LRIF1: variants seen among roughly 807,000 people sequenced by gnomAD.
The protein encoded by LRIF1 is ligand-dependent nuclear receptor-interacting factor 1.
Under a neutral mutation model 52.7 loss-of-function variants are expected in LRIF1, and 32 were observed. The observed-to-expected ratio is 0.61, with a 90% confidence interval of 0.46 to 0.82. The LOEUF is 0.82. Among genes scored for constraint, LRIF1 ranks in the 40% least tolerant of loss-of-function variants. The pLI is 0.00. For synonymous variants in LRIF1, 323 were observed against 317.4 expected, an observed-to-expected ratio of 1.02 and a Z score of -0.19; for missense variants, 887 against 892.0, an observed-to-expected ratio of 0.99 and a Z score of 0.07.
chr1:110,949,693 C>T (rs1360170925), intron 3 of LRIF1, among the ~76,000 whole-genome samples, 158 bp downstream of exon 3: 3 of 152,102 alleles, frequency 2.0e-5, no homozygotes, highest in Non-Finnish European at 2.9e-5. Context: ...GTGCTGGGGC[C>T]TGGTTGTTTT....
At chr1:110,897,773 T>G in the LRIF1 span, 1 of 1,249,878 alleles carries the variant, frequency 8.0e-7, no homozygotes, top group Non-Finnish European at 1.2e-6. Flanking sequence ...GGTGGAATTA[T>G]AGAGTAGTAT....
chr1:110,946,199 G>A (rs1658199617), downstream of LRIF1, among the ~76,000 whole-genome samples: 1 of 152,166 alleles, frequency 6.6e-6, no homozygotes, highest in African/African-American at 2.4e-5. Context: ...GATAAACCTT[G>A]AAAACATTAG....
intron 2 of LRIF1, among the ~76,000 whole-genome samples, chr1:110,950,587 GA>G (rs1277704501): frequency 6.6e-6 from 1 of 151,958 alleles, no homozygotes; most frequent in Admixed American, 6.6e-5. Flanking sequence ...AGTAAGCAAG[GA>G]AAAGATGGGT....
intron 1 of LRIF1, among the ~76,000 whole-genome samples, chr1:110,961,940 T>C (rs1008191640): frequency 6.6e-6 from 1 of 151,986 alleles, no homozygotes; most frequent in African/African-American, 2.4e-5. Context: ...CATTCAAAAA[T>C]AATAAAAACA....
At chr1:110,926,401 T>C in the LRIF1 span, among the ~76,000 whole-genome samples, 1 of 151,938 alleles carries the variant, frequency 6.6e-6, no homozygotes, top group Non-Finnish European at 1.5e-5. Context: ...AAGAAACTGA[T>C]GGATGAATCT....
chr1:110,910,282 A>G, the LRIF1 span, among the ~76,000 whole-genome samples: 2 of 143,144 alleles, frequency 1.4e-5, no homozygotes, highest in Non-Finnish European at 3.0e-5. Flanking sequence ...TTCGGTCTTA[A>G]AGCAATTCTC....
chr1:110,949,797 A>G, intron 3 of LRIF1, 54 bp downstream of exon 3: 1 of 1,526,022 alleles, frequency 6.6e-7, no homozygotes, highest in Non-Finnish European at 8.9e-7. Context: ...GAAAAGTAAT[A>G]TTCATGTATC....
chr1:110,920,054 T>C, the LRIF1 span, among the ~76,000 whole-genome samples: 1 of 152,146 alleles, frequency 6.6e-6, no homozygotes, highest in Non-Finnish European at 1.5e-5. Flanking sequence ...CATCAAATGC[T>C]TGGAGGATGT....
At chr1:110,890,442 C>T in the LRIF1 span, among the ~76,000 whole-genome samples, 43 of 152,178 alleles carry the variant, frequency 2.8e-4, no homozygotes, top group African/African-American at 9.9e-4. Context: ...TGGTGCATGC[C>T]TTTAGTCTCA....
the LRIF1 span, chr1:110,936,272 G>A: frequency 1.0e-3 from 159 of 152,178 alleles, no homozygotes; most frequent in Middle Eastern, 6.8e-3. Flanking sequence ...AAACACACTG[G>A]TAATGGTACA....
chr1:110,953,370 T>A (rs1335902551), intron 1 of LRIF1, among the ~76,000 whole-genome samples: 4 of 152,256 alleles, frequency 2.6e-5, no homozygotes, highest in Non-Finnish European at 5.9e-5. Flanking sequence ...CTGAACTGTT[T>A]ACATAGGAAT....
At chr1:110,930,821 T>C in the LRIF1 span, among the ~76,000 whole-genome samples, 8,737 of 152,170 alleles carry the variant, frequency 0.057, 289 homozygotes, top group East Asian at 0.13. Flanking sequence ...TTTTTTTAAA[T>C]AATAGCAATG....
chr1:110,963,429 G>A, intron 1 of LRIF1, 192 bp downstream of exon 1: 1 of 448,418 alleles, frequency 2.2e-6, no homozygotes, highest in East Asian at 3.3e-5. Context: ...CTCTAAAGAG[G>A]TTTTACATTT....
chr1:110,890,261 C>T, the LRIF1 span, among the ~76,000 whole-genome samples: 1 of 152,062 alleles, frequency 6.6e-6, no homozygotes, highest in African/African-American at 2.4e-5. Flanking sequence ...ATATCATTAC[C>T]TCTGACAGAA....
chr1:110,900,900 C>T, the LRIF1 span, among the ~76,000 whole-genome samples: 1 of 151,970 alleles, frequency 6.6e-6, no homozygotes, highest in African/African-American at 2.4e-5. Context: ...TGTCTATAAG[C>T]TAAATTTAAT....
the LRIF1 span, among the ~76,000 whole-genome samples, chr1:110,904,557 A>T: frequency 6.6e-6 from 1 of 152,238 alleles, no homozygotes; most frequent in Non-Finnish European, 1.5e-5. Context: ...TACTTCTATG[A>T]GTCCATAAGA....
chr1:110,902,639 A>C, the LRIF1 span, among the ~76,000 whole-genome samples: 1 of 152,186 alleles, frequency 6.6e-6, no homozygotes, highest in South Asian at 2.1e-4. Flanking sequence ...AGAAGATGTA[A>C]ATATGTGGAA....
the LRIF1 span, among the ~76,000 whole-genome samples, chr1:110,890,302 C>T: frequency 1.3e-5 from 2 of 152,180 alleles, no homozygotes; most frequent in Non-Finnish European, 2.9e-5. Context: ...TGCGGTAGCT[C>T]ATGCCTGTAA....
the LRIF1 span, chr1:110,894,886 A>C: frequency 8.9e-7 from 1 of 1,121,564 alleles, no homozygotes; most frequent in South Asian, 1.2e-5. Flanking sequence ...CCACTAACCT[A>C]TACTGGAAAT....
Sources: gnomAD v4.1 joint callset for allele counts (sites outside exome capture counted in the v4.1 genomes callset) on GRCh38, gnomAD v4.1.1 for gene constraint, MANE v1.5 for transcripts, NCBI Gene and HGNC (gene_info 2026-07-23, HGNC 2026-07-21) for gene names.